Variants in RUFY3 observed in about 807,000 individuals in gnomAD.
RUFY3 encodes the protein RUN and FYVE domain containing 3.
Under a neutral mutation model 84.0 loss-of-function variants are expected in RUFY3, and 34 were observed. The ratio of observed to expected loss-of-function variants is 0.40; its 90% CI spans 0.31 to 0.54. RUFY3 has a LOEUF of 0.54. Ranked by LOEUF, RUFY3 falls within the 20% of genes least tolerant of loss-of-function variation. The pLI is 0.39. For missense variants in RUFY3, 507 were observed against 736.8 expected (o/e 0.69, Z 3.61); for synonymous variants, 242 against 252.9 (o/e 0.96, Z 0.41).
At chr4:70,765,804 G>A (rs1725801778) in intron 4 of RUFY3, among the ~76,000 whole-genome samples, 1 of 144,272 alleles carries the variant, frequency 6.9e-6, no homozygotes. Context: ...TCACCAGGCT[G>A]TAGGCTGTAG....
chr4:70,705,850 C>T (rs1272178638), intron 1 of RUFY3, among the ~76,000 whole-genome samples: 1 of 152,230 alleles, frequency 6.6e-6, no homozygotes, highest in Non-Finnish European at 1.5e-5. Flanking sequence ...TACGAGCGTT[C>T]CTTCCATGCC....
chr4:70,704,815 A>AGGTGGCGGTGGC (rs988225829), exon 1 of RUFY3: 2 of 608,866 alleles, frequency 3.3e-6, no homozygotes, highest in Non-Finnish European at 4.6e-6. Flanking sequence ...CCGAGAAGAA[A>AGGTGGCGGTGGC]GGTGGCGGTG....
intron 1 of RUFY3, among the ~76,000 whole-genome samples, chr4:70,742,501 G>T (rs1466694991): frequency 1.3e-5 from 2 of 151,842 alleles, no homozygotes; most frequent in Admixed American, 1.3e-4. Flanking sequence ...TTCCCCCTCC[G>T]CCTGTGCCAC....
intron 4 of RUFY3, 118 bp from the exon 5 acceptor site, chr4:70,768,420 G>A (rs1726366016): frequency 3.9e-6 from 3 of 775,210 alleles, no homozygotes; most frequent in Admixed American, 2.9e-5. Context: ...TATTTTTGTA[G>A]ATGGCTATAA....
chr4:70,794,123 C>A (rs1430800852), intron 13 of RUFY3, among the ~76,000 whole-genome samples: 1 of 152,010 alleles, frequency 6.6e-6, no homozygotes, highest in Non-Finnish European at 1.5e-5. Context: ...GCCCAAGATC[C>A]CAGATAAATA....
chr4:70,717,802 T>C (rs1401416051), upstream of RUFY3, among the ~76,000 whole-genome samples: 2 of 151,864 alleles, frequency 1.3e-5, no homozygotes, highest in African/African-American at 4.8e-5. Context: ...GGCTGAACTT[T>C]GGTTTCATTG....
chr4:70,766,660 C>A (rs879074506), intron 4 of RUFY3, among the ~76,000 whole-genome samples: 3 of 152,070 alleles, frequency 2.0e-5, no homozygotes, highest in Admixed American at 2.0e-4. Context: ...CCCTGTACAA[C>A]CTCCCTCATT....
chr4:70,785,206 A>G lies in RUFY3; in HGVS notation c.1071+327A>G, dbSNP rs188818723. 7.9e-5 allele frequency among the ~76,000 whole-genome samples: 12 copies of G among 152,222 alleles called. No individual in the cohort carries two copies. The East Asian group carries it at 2.1e-3, about 27-fold the overall frequency. The stretch of plus-strand genomic sequence containing the variant: ...TCCTCATCCCTGCAAAGATTCTTGG[A>G]GGTGGTGGCTCCTCTTTTCTTTACA... On this transcript the variant is annotated intron_variant, in intron 10 of 17. Transcript: ENST00000381006.
intron 12 of RUFY3, chr4:70,793,041 A>C (rs1207496421): frequency 1.0e-6 from 1 of 985,304 alleles, no homozygotes; most frequent in Non-Finnish European, 1.2e-6. Flanking sequence ...CAAGTGCTTT[A>C]CCTTCTAAAA....
At chr4:70,734,612 G>C in intron 1 of RUFY3, 2 of 963,102 alleles carry the variant, frequency 2.1e-6, no homozygotes, top group South Asian at 9.6e-5. Flanking sequence ...TACCCACTTA[G>C]CTTCCAGGAT....
intron 1 of RUFY3, among the ~76,000 whole-genome samples, chr4:70,759,641 C>G (rs899768495): frequency 2.0e-5 from 3 of 152,174 alleles, no homozygotes; most frequent in African/African-American, 4.8e-5. Flanking sequence ...TTCCCACCAA[C>G]AGTGTATAAG....
intron 1 of RUFY3, among the ~76,000 whole-genome samples, chr4:70,729,563 TCTC>T (rs1292559383): frequency 6.6e-6 from 1 of 152,158 alleles, no homozygotes; most frequent in African/African-American, 2.4e-5. Context: ...TGAGTTTTTC[TCTC>T]CTCTTAACTG....
rs144070379 is a variant in RUFY3 at position 70,746,591 on chromosome 4, C to T, written c.179-15928C>T. Among the ~76,000 whole-genome samples, 411 of 151,386 alleles carry T rather than the reference C, an allele frequency of 2.7e-3. 4 individuals are homozygous for T. The highest frequency in any genetic ancestry group is 9.5e-3 in the African/African-American group (391 of 41,258). ...ACTTTTTTCCTTAGTATATTCCAAG[C>T]ACTTCTAAATGGTTACGTATAAGAA... On this transcript the variant is annotated intron_variant, in intron 1 of 17. Transcript: ENST00000381006.
chr4:70,739,597 A>T (rs1430251943), intron 1 of RUFY3, among the ~76,000 whole-genome samples: 3 of 152,064 alleles, frequency 2.0e-5, no homozygotes, highest in Admixed American at 2.0e-4. Flanking sequence ...CAGGCCTTGT[A>T]AAATCTGTCA....
chr4:70,734,093 A>G (rs910680486), intron 1 of RUFY3, among the ~76,000 whole-genome samples: 3 of 152,214 alleles, frequency 2.0e-5, no homozygotes, highest in East Asian at 3.9e-4. Context: ...TAATATTTCT[A>G]TTAGGCATTT....
chr4:70,758,118 A>G (rs1724349867), intron 1 of RUFY3, among the ~76,000 whole-genome samples: 1 of 152,250 alleles, frequency 6.6e-6, no homozygotes, highest in African/African-American at 2.4e-5. Flanking sequence ...TACACACACA[A>G]CATGCTTGCA....
At chr4:70,799,347 C>T (rs566490139) in intron 14 of RUFY3, 1 of 152,346 alleles carries the variant, frequency 6.6e-6, no homozygotes, top group African/African-American at 2.4e-5. Context: ...CGAGACCAGC[C>T]TGGCCAACGT....
At chr4:70,733,182 A>C (rs1239629938) in intron 1 of RUFY3, among the ~76,000 whole-genome samples, 1 of 148,780 alleles carries the variant, frequency 6.7e-6, no homozygotes, top group Non-Finnish European at 1.5e-5. Flanking sequence ...AAGAAAGAAA[A>C]ATGGATTTTG....
rs1396402924 is a variant in RUFY3, at chr4:70,806,719, A to G, written c.*60A>G. On this transcript the variant is annotated 3_prime_UTR_variant, in exon 18 of 18. Transcript: ENST00000381006. ...GCAGGCTCCTCTGTACCTGTGTTTT[A>G]GCTGTCAGGATCTCATAGAGCCCAG... The G allele has an allele frequency of 2.5e-6, 4 of 1,593,370 alleles. No individual in the cohort carries two copies. The highest frequency in any genetic ancestry group is 3.4e-6 in the Non-Finnish European group (4 of 1,165,610).
Sources: allele counts gnomAD v4.1 joint callset (sites outside exome capture counted in the v4.1 genomes callset), GRCh38; gene constraint gnomAD v4.1.1; transcripts MANE v1.5; gene names NCBI Gene and HGNC (gene_info 2026-07-23, HGNC 2026-07-21).